GLCCI1: variants seen among roughly 807,000 people sequenced by gnomAD.
The protein encoded by GLCCI1 is glucocorticoid induced 1.
Under a neutral mutation model 52.2 loss-of-function variants are expected in GLCCI1, and 24 were observed. That is an observed-to-expected ratio of 0.46 (90% CI 0.33 to 0.65). The LOEUF is 0.65. GLCCI1 is among the 30% of genes least tolerant of loss of function. The pLI, the probability that GLCCI1 is intolerant of heterozygous loss-of-function variation, is 0.02. For synonymous variants in GLCCI1, 310 were observed against 276.5 expected, an observed-to-expected ratio of 1.12 and a Z score of -1.20; for missense variants, 704 against 701.5, an observed-to-expected ratio of 1.00 and a Z score of -0.04.
chr7:7,986,578 A>G (rs954437625), intron 1 of GLCCI1, among the ~76,000 whole-genome samples: 2 of 152,228 alleles, frequency 1.3e-5, no homozygotes, highest in African/African-American at 4.8e-5. Flanking sequence ...GTTACTGAGA[A>G]TAAAACTAAT....
intron 6 of GLCCI1, among the ~76,000 whole-genome samples, chr7:8,080,048 C>T (rs1280714731): frequency 6.6e-6 from 1 of 151,430 alleles, no homozygotes; most frequent in Non-Finnish European, 1.5e-5. Flanking sequence ...TTCTAAGTTT[C>T]CAAGTTGGTC....
In GLCCI1 at chr7:8,086,380, C is replaced by G. The variant is rs1286453574; in HGVS notation, c.1486C>G (p.Gln496Glu). 1.2e-6 allele frequency: 2 copies of G among 1,614,116 alleles called. No individual in the cohort carries two copies. The highest frequency in any genetic ancestry group is 2.2e-5 in the South Asian group (2 of 91,070). ...SSALATLTVE[Q>E]LSSRVSFTSL... ...AGCTTTGGCAACTCTGACCGTTGAG[C>G]AGCTCTCATCCCGGGTTTCCTTTAC... Residue 496 changes from glutamine (Q) to glutamate (E), a missense_variant, in exon 8 of 8, where the codon CAG (glutamine) becomes GAG (glutamate). Gln to Glu is a conservative substitution (Grantham distance 29). Transcript: ENST00000223145. The surrounding 1 kb of genome is among the most constrained non-coding windows in gnomAD (Gnocchi z 4.4).
At chr7:7,991,867 G>A (rs1163666503) in intron 1 of GLCCI1, among the ~76,000 whole-genome samples, 2 of 151,978 alleles carry the variant, frequency 1.3e-5, no homozygotes, top group Non-Finnish European at 2.9e-5. Context: ...TGTCAGGCTT[G>A]GAGGGAGAGA....
At chr7:7,975,527 G>T (rs1780445684) in intron 1 of GLCCI1, among the ~76,000 whole-genome samples, 1 of 152,194 alleles carries the variant, frequency 6.6e-6, no homozygotes. Context: ...CTATGCTGTT[G>T]CTCCTAACTC....
Position 8,006,310 on chromosome 7 carries a change from G to T in GLCCI1, c.609+2251G>T, listed in dbSNP as rs754976376. 2.4e-4 allele frequency among the ~76,000 whole-genome samples: 37 copies of T among 152,300 alleles called. No homozygotes were observed. In the Middle Eastern group the frequency reaches 0.014, roughly 56 times the overall value. On this transcript the variant is annotated intron_variant, in intron 2 of 7. Transcript: ENST00000223145. ...CACATTTAGGGATCAGAGGCACATT[G>T]TCTTGGAGAGTGCAGTATTGGAGAT...
intron 3 of GLCCI1, among the ~76,000 whole-genome samples, chr7:8,041,875 A>C (rs144723502): frequency 1.1e-3 from 172 of 152,208 alleles, no homozygotes; most frequent in African/African-American, 4.1e-3. Flanking sequence ...CACAAGTATG[A>C]GCCACCACAC....
At chr7:8,069,102 G>GGCT (rs1296982934) in intron 5 of GLCCI1, among the ~76,000 whole-genome samples, 2 of 152,128 alleles carry the variant, frequency 1.3e-5, no homozygotes, top group African/African-American at 4.8e-5. Context: ...GGCACTCCCA[G>GGCT]GCTGCAGCCC....
chr7:8,045,706 C>T (rs1392907172), intron 3 of GLCCI1, among the ~76,000 whole-genome samples: 1 of 152,078 alleles, frequency 6.6e-6, no homozygotes, highest in Non-Finnish European at 1.5e-5. Context: ...GTAGATGTGG[C>T]ACCTGAATTA....
intron 2 of GLCCI1, among the ~76,000 whole-genome samples, chr7:8,014,329 G>T (rs1268188107): frequency 2.0e-5 from 3 of 152,096 alleles, no homozygotes; most frequent in African/African-American, 7.2e-5. Flanking sequence ...TAATGGTAAT[G>T]TATCTAGTTT....
chr7:8,033,025 C>A (rs1385371055), intron 3 of GLCCI1, among the ~76,000 whole-genome samples: 1 of 151,580 alleles, frequency 6.6e-6, no homozygotes, highest in Non-Finnish European at 1.5e-5. Flanking sequence ...CAAACCAAAT[C>A]CAGCAATAAA....
At chr7:8,071,389 A>G (rs1337619819) in intron 6 of GLCCI1, among the ~76,000 whole-genome samples, 2 of 152,176 alleles carry the variant, frequency 1.3e-5, no homozygotes, top group Admixed American at 6.5e-5. Flanking sequence ...AGTGTGTACA[A>G]CTTCATATAA....
chr7:8,008,340 C>T lies in GLCCI1; in HGVS notation c.609+4281C>T, dbSNP rs116958945. Among the ~76,000 whole-genome samples, 1,012 of 148,952 alleles carry T rather than the reference C, an allele frequency of 6.8e-3. 28 individuals carry two copies. In the East Asian group the frequency reaches 0.085, roughly 13 times the overall value. On this transcript the variant is annotated intron_variant, in intron 2 of 7. Coordinates refer to ENST00000223145, the MANE Select transcript of GLCCI1 (RefSeq NM_138426.4). ...TTGTTCTGTTGCCCAGGCTGGAGTG[C>T]GGTGATGTGATCTTGGCTCACTTCA...
In GLCCI1 at chr7:8,089,049, T is replaced by G. The variant is rs1783178744; in HGVS notation, c.*2511T>G. On this transcript the variant is annotated 3_prime_UTR_variant, in exon 8 of 8. Transcript: ENST00000223145. The stretch of plus-strand genomic sequence containing the variant: ...TTTTCAGTATAGAAGTTCCTGTGTC[T>G]TATTTAAATAAAGTTATTAGTAAAA... The G allele has an allele frequency of 6.6e-6, 1 of 152,602 alleles. No individual in the cohort carries two copies. The highest frequency in any genetic ancestry group is 6.5e-5 in the Admixed American group (1 of 15,286). The allele number at this position is 152,602 out of a possible 1,614,324, so 9.5% of individuals were successfully genotyped here.
chr7:8,059,668 A>C (rs980011018), intron 4 of GLCCI1, among the ~76,000 whole-genome samples: 1 of 152,216 alleles, frequency 6.6e-6, no homozygotes, highest in Admixed American at 6.5e-5. Flanking sequence ...CAAATACTAG[A>C]ACGTAATTGT....
intron 3 of GLCCI1, among the ~76,000 whole-genome samples, chr7:8,044,707 A>G (rs1430728243): frequency 1.3e-5 from 2 of 152,190 alleles, no homozygotes; most frequent in Non-Finnish European, 2.9e-5. Context: ...TACTCTCTCT[A>G]TCAGATAATT....
chr7:8,018,587 C>T (rs1048063182), intron 2 of GLCCI1, among the ~76,000 whole-genome samples: 4 of 152,020 alleles, frequency 2.6e-5, no homozygotes, highest in Non-Finnish European at 5.9e-5. Context: ...GGAGGATGGC[C>T]CTAGAGGTTG....
chr7:8,080,594 TTC>T (rs887448573), intron 6 of GLCCI1, among the ~76,000 whole-genome samples: 1 of 151,416 alleles, frequency 6.6e-6, no homozygotes. Flanking sequence ...ATTATTCTGC[TTC>T]TCTCTCAGAA....
chr7:8,021,561 C>T (rs1407237020), intron 2 of GLCCI1, among the ~76,000 whole-genome samples: 1 of 152,098 alleles, frequency 6.6e-6, no homozygotes, highest in African/African-American at 2.4e-5. Context: ...TACAGGTGCT[C>T]GCCACCAGGC....
rs536616357 is a variant in GLCCI1 at position 8,004,210 on chromosome 7, G to C, written c.609+151G>C. ...AAATCCATTGTTTTAAATAAACTTT[G>C]CAGTAATTGTTTTTTGTCATCTGGC... is the stretch of plus-strand genomic sequence containing the variant. On this transcript the variant is annotated intron_variant, in intron 2 of 7. Transcript: ENST00000223145. 15 of 712,678 alleles carry C rather than the reference G, an allele frequency of 2.1e-5. No individual in the cohort carries two copies. In the South Asian group the frequency reaches 3.8e-4, roughly 18 times the overall value. The allele number at this position is 712,678 out of a possible 1,614,324, so 44.1% of individuals were successfully genotyped here. A position where few individuals can be genotyped will look rare whatever the true frequency, so the allele number is the denominator to read the frequency against.
Sources: gnomAD v4.1 joint callset for allele counts (sites outside exome capture counted in the v4.1 genomes callset) on GRCh38, gnomAD v4.1.1 for gene constraint, Gnocchi (gnomAD v3.1) non-coding constraint, MANE v1.5 for transcripts, NCBI Gene and HGNC (gene_info 2026-07-23, HGNC 2026-07-21) for gene names.